The following ARMH3 variants were observed in gnomAD, a reference collection of about 807,000 sequenced individuals.
ARMH3 encodes armadillo like helical domain containing 3, also known as armadillo-like helical domain-containing protein 3.
A neutral mutation model predicts 99.1 loss-of-function variants in ARMH3; 60 were observed. The observed-to-expected ratio is 0.61, with a 90% CI of 0.49 to 0.75. ARMH3 has a LOEUF of 0.75. Ranked by LOEUF, ARMH3 falls within the 30% of genes least tolerant of loss-of-function variation. The probability of loss-of-function intolerance (pLI) is 0.00; values close to 1 mark genes in which losing one functional copy is unlikely to be tolerated. For missense variants in ARMH3, 679 were observed against 843.1 expected (o/e 0.81, Z 2.41); for synonymous variants, 285 against 292.8 (o/e 0.97, Z 0.27).
chr10:101,975,074 A>AT, intron 20 of ARMH3, 138 bp downstream of exon 20: 1 of 333,926 alleles, frequency 3.0e-6, no homozygotes, highest in African/African-American at 2.2e-5. Context: ...AAAAAAAAAA[A>AT]GACAAAAAGA....
intron 8 of ARMH3, among the ~76,000 whole-genome samples, chr10:102,014,751 T>G (rs934835825): frequency 1.3e-5 from 2 of 152,178 alleles, no homozygotes; most frequent in African/African-American, 4.8e-5. Context: ...CCAATCTCAG[T>G]TGGGCAGCAT....
At chr10:101,971,730 A>AT (rs1433815046) in intron 20 of ARMH3, among the ~76,000 whole-genome samples, 2 of 152,142 alleles carry the variant, frequency 1.3e-5, no homozygotes, top group African/African-American at 4.8e-5. Context: ...GCAAATGGAC[A>AT]TTTTTTCTGA....
intron 11 of ARMH3, among the ~76,000 whole-genome samples, chr10:102,010,921 G>A (rs1318378127): frequency 2.0e-5 from 3 of 152,142 alleles, no homozygotes; most frequent in African/African-American, 4.8e-5. Flanking sequence ...GGAACAATTC[G>A]TAAGCAGTGG....
intron 19 of ARMH3, among the ~76,000 whole-genome samples, chr10:101,987,067 G>A (rs550295315): frequency 2.7e-4 from 41 of 152,262 alleles, no homozygotes; most frequent in African/African-American, 9.1e-4. Flanking sequence ...GAAATGTGGG[G>A]GTTTGGGTAA....
At chr10:101,989,848 C>T (rs929500094) in intron 19 of ARMH3, among the ~76,000 whole-genome samples, 4 of 152,244 alleles carry the variant, frequency 2.6e-5, no homozygotes, top group African/African-American at 9.6e-5. Context: ...GCTAGGCTGT[C>T]AGGACAATGT....
chr10:101,935,098 C>T (rs1245028014), intron 23 of ARMH3, among the ~76,000 whole-genome samples: 1 of 150,588 alleles, frequency 6.6e-6, no homozygotes, highest in East Asian at 2.0e-4. Flanking sequence ...TCAAAGTACT[C>T]CTTTGTGAAC....
intron 15 of ARMH3, among the ~76,000 whole-genome samples, chr10:102,001,565 C>T (rs2066361677): frequency 1.3e-5 from 2 of 152,206 alleles, no homozygotes; most frequent in Admixed American, 6.5e-5. Context: ...CCTCTTCCTA[C>T]TGTACTGTGT....
chr10:101,849,681 C>T (rs1360149459), intron 25 of ARMH3, 95 bp downstream of exon 25: 1 of 1,029,240 alleles, frequency 9.7e-7, no homozygotes, highest in African/African-American at 1.6e-5. Flanking sequence ...CCCCTCAAGT[C>T]TTGTTTTATC....
chr10:102,011,411 T>C (rs2066625728), intron 11 of ARMH3, among the ~76,000 whole-genome samples: 1 of 152,122 alleles, frequency 6.6e-6, no homozygotes, highest in Non-Finnish European at 1.5e-5. Context: ...ACCTTTTCTT[T>C]AGCCTTTAAA....
At chr10:101,891,284 C>T (rs556703062) in intron 23 of ARMH3, among the ~76,000 whole-genome samples, 1 of 152,210 alleles carries the variant, frequency 6.6e-6, no homozygotes, top group African/African-American at 2.4e-5. Flanking sequence ...CAACCTCCAC[C>T]TTCCGGGTTT....
At chr10:101,987,747 A>C (rs1846578622) in intron 19 of ARMH3, among the ~76,000 whole-genome samples, 1 of 152,194 alleles carries the variant, frequency 6.6e-6, no homozygotes, top group African/African-American at 2.4e-5. Context: ...TACCAACCCT[A>C]CGGAGAGACC....
At chr10:101,900,461 A>AC (rs1157163812) in intron 23 of ARMH3, among the ~76,000 whole-genome samples, 2 of 152,150 alleles carry the variant, frequency 1.3e-5, no homozygotes, top group Non-Finnish European at 2.9e-5. Context: ...TAAGCTCAAA[A>AC]CCCCCAAAAC....
rs373110710 is a variant in ARMH3, at chr10:102,029,653, C to T, written c.399G>A (p.Ala133=). ...IINMLMGFDK[A]ELCMKNLMES... ...TATGCCTCACCTTCATGCACAGCTCCGCCTTGTCAAAGCCCATCAGCATGT... is the reference window on the plus strand; with the variant it reads ...TATGCCTCACCTTCATGCACAGCTCTGCCTTGTCAAAGCCCATCAGCATGT... The change falls in exon 5 of 26, where the codon GCG becomes GCA. Residue 133 remains alanine, a synonymous_variant. Transcript: ENST00000370033. 29 of 1,614,206 alleles carry T rather than the reference C, an allele frequency of 1.8e-5. No individual in the cohort carries two copies. The highest frequency in any genetic ancestry group is 1.6e-4 in the Middle Eastern group (1 of 6,062).
intron 8 of ARMH3, among the ~76,000 whole-genome samples, chr10:102,018,564 C>T (rs1246534264): frequency 6.6e-6 from 1 of 152,070 alleles, no homozygotes; most frequent in East Asian, 1.9e-4. Context: ...GACATTTTAG[C>T]CATTATAACA....
chr10:101,938,948 G>A (rs34014631), intron 23 of ARMH3, among the ~76,000 whole-genome samples: 8,425 of 152,008 alleles, frequency 0.055, 253 homozygotes, highest in African/African-American at 0.058. Context: ...TGCCAAACAG[G>A]GTAGTAAATC....
intron 23 of ARMH3, among the ~76,000 whole-genome samples, chr10:101,889,918 T>C (rs2067646905): frequency 6.6e-6 from 1 of 152,178 alleles, no homozygotes. Context: ...AGAAGCAATC[T>C]TCATACTTGT....
At chr10:102,014,846 T>A (rs2066710565) in intron 8 of ARMH3, among the ~76,000 whole-genome samples, 1 of 152,140 alleles carries the variant, frequency 6.6e-6, no homozygotes, top group Admixed American at 6.5e-5. Flanking sequence ...CTTACACCTA[T>A]GGGATGTGAG....
chr10:101,947,791 A>T lies in ARMH3; in HGVS notation c.1706-7853T>A, dbSNP rs547687345. Among the ~76,000 whole-genome samples, 140 of 146,380 alleles carry T rather than the reference A, an allele frequency of 9.6e-4. 1 individual carries two copies. The highest frequency in any genetic ancestry group is 3.6e-3 in the African/African-American group (136 of 38,044). On this transcript the variant is annotated intron_variant, in intron 22 of 25. Coordinates refer to ENST00000370033, the MANE Select transcript of ARMH3 (RefSeq NM_024541.3). ...CTCCAGCCTGGGCAACAAGAGCGAA[A>T]CTCAAAAATAAATAAATAAATAAAT...
At chr10:101,951,311 T>C (rs935322530) in intron 22 of ARMH3, among the ~76,000 whole-genome samples, 1 of 152,212 alleles carries the variant, frequency 6.6e-6, no homozygotes, top group Non-Finnish European at 1.5e-5. Flanking sequence ...GGCTCATGCC[T>C]GTAATCCCAG....
Sources: allele counts gnomAD v4.1 joint callset (sites outside exome capture counted in the v4.1 genomes callset), GRCh38; gene constraint gnomAD v4.1.1; transcripts MANE v1.5; gene names NCBI Gene and HGNC (gene_info 2026-07-23, HGNC 2026-07-21).